NEK8: variants seen among roughly 807,000 people sequenced by gnomAD.
The protein encoded by NEK8 is serine/threonine-protein kinase Nek8.
In NEK8, 51 loss-of-function variants were observed where a neutral mutation model predicts 77.2. The observed-to-expected ratio is 0.66, with a 90% confidence interval of 0.53 to 0.83. The LOEUF is 0.83. Ranked by LOEUF, NEK8 falls within the 40% of genes least tolerant of loss-of-function variation. The probability of loss-of-function intolerance (pLI) is 0.00; values close to 1 mark genes in which losing one functional copy is unlikely to be tolerated. For missense variants in NEK8, 787 were observed against 909.2 expected (o/e 0.87, Z 1.73); for synonymous variants, 365 against 363.2 (o/e 1.00, Z -0.06).
rs1173353714 is a variant in NEK8, at chr17:28,740,683, G to A, written c.1568+70G>A. On this transcript the variant is annotated intron_variant, in intron 11 of 14. Coordinates refer to ENST00000268766, the MANE Select transcript of NEK8 (RefSeq NM_178170.3). This position sits in a 1 kb window ranked among gnomAD's most constrained non-coding sequence, Gnocchi z 4.7. The stretch of plus-strand genomic sequence containing the variant: ...GGCTGCAAGTGCTCCGTCCATCATT[G>A]CCTACCTTTCACCAAAGACCAGAAT... The A allele has an allele frequency of 8.1e-6, 13 of 1,596,086 alleles. No individual in the cohort carries two copies. Among genetic ancestry groups the A allele is most frequent in the African/African-American group, 1.3e-5 (1 of 74,600 alleles).
Position 28,741,365 on chromosome 17 carries a change from C to G in NEK8, c.1892-48C>G, listed in dbSNP as rs555226814. 54 of 1,605,302 alleles carry G rather than the reference C, an allele frequency of 3.4e-5. 1 individual carries two copies. In the South Asian group the frequency reaches 5.3e-4, roughly 16 times the overall value. On this transcript the variant is annotated intron_variant, in intron 13 of 14. Transcript: ENST00000268766. This position sits in a 1 kb window ranked among gnomAD's most constrained non-coding sequence, Gnocchi z 4.5. ...GCAATGTGGGAGGGGAGATCCTGCT[C>G]GGGCTGTGCCCACTTCCCACTTCCC...
chr17:28,734,274 G>A, intron 2 of NEK8, 86 bp downstream of exon 2: 3 of 1,225,896 alleles, frequency 2.4e-6, no homozygotes, highest in East Asian at 2.3e-5. Context: ...TTCCCTCCTT[G>A]GAATGGGCAT....
chr17:28,731,672 C>T (rs2034308116), intron 1 of NEK8, among the ~76,000 whole-genome samples: 1 of 151,038 alleles, frequency 6.6e-6, no homozygotes, highest in Admixed American at 6.6e-5. Context: ...GGCACCATCT[C>T]GGCTCATTGC....
In NEK8 at chr17:28,739,167, G is replaced by A; in HGVS notation, c.1383G>A (p.Glu461=). The A allele has an allele frequency of 6.2e-7, 1 of 1,614,172 alleles. No individual in the cohort carries two copies. Among genetic ancestry groups the A allele is most frequent in the South Asian group, 1.1e-5 (1 of 91,086 alleles). The change falls in exon 10 of 15, where the codon GAG becomes GAA. Residue 461 remains glutamate, a synonymous_variant. Transcript: ENST00000268766. ...GASHVLALST[E]RELFAWGRGD... ...CTCACGTGCTGGCCCTGTCCACTGA[G>A]CGAGAACTATTTGCCTGGGGCCGTG...
Position 28,737,657 on chromosome 17 carries a change from C to T in NEK8, c.828-18C>T. 2 of 1,614,154 alleles carry T rather than the reference C, an allele frequency of 1.2e-6. No homozygotes were observed. Among genetic ancestry groups the T allele is most frequent in the Non-Finnish European group, 1.7e-6 (2 of 1,180,014 alleles). ...TGTCAGGAGGGTCTTTGTCCTTAGGCCCCCATCTGTCCTGCAGGGCAGAGA... is the reference window on the plus strand; with the variant it reads ...TGTCAGGAGGGTCTTTGTCCTTAGGTCCCCATCTGTCCTGCAGGGCAGAGA... On this transcript the variant is annotated intron_variant, in intron 5 of 14. Transcript: ENST00000268766. The surrounding 1 kb of genome is among the most constrained non-coding windows in gnomAD (Gnocchi z 4.8).
At chr17:28,738,022 C>T in intron 7 of NEK8, 22 bp downstream of exon 7, 1 of 1,612,814 alleles carries the variant, frequency 6.2e-7, no homozygotes, top group South Asian at 1.1e-5. Context: ...AGGGGGTGGC[C>T]TGGATGGGTG....
intron 1 of NEK8, among the ~76,000 whole-genome samples, chr17:28,731,748 C>G (rs1428608916): frequency 1.3e-5 from 2 of 149,430 alleles, no homozygotes; most frequent in South Asian, 2.1e-4. Context: ...GAACTACAGG[C>G]GCCCGCCACC....
chr17:28,734,125 A>G lies in NEK8; in HGVS notation c.190A>G (p.Ile64Val). The change falls in exon 2 of 15, where the codon ATT becomes GTT. Residue 64 changes from isoleucine to valine, a missense_variant. This residue lies in a region of NEK8 where 271 missense variants were observed against 365.1 expected (regional missense o/e 0.74). Transcript: ENST00000268766. ...VLKLLNHPNV[I>V]EYYENFLEDK... is the part of the protein sequence containing the mutation. Reference sequence around the variant, plus strand: ...CAAGCTGCTCAACCACCCCAATGTCATTGAGTACTACGAGAACTTCCTGGA... The same window carrying G: ...CAAGCTGCTCAACCACCCCAATGTCGTTGAGTACTACGAGAACTTCCTGGA... 6.2e-7 allele frequency: 1 copy of G among 1,614,048 alleles called. No homozygotes were observed. Among genetic ancestry groups the G allele is most frequent in the Non-Finnish European group, 8.5e-7 (1 of 1,180,000 alleles).
intron 1 of NEK8, 62 bp downstream of exon 1, chr17:28,728,922 C>A: frequency 7.0e-7 from 1 of 1,429,382 alleles, no homozygotes; most frequent in Non-Finnish European, 9.6e-7. Flanking sequence ...CCCAATTCCG[C>A]CCGCGAAGTC....
intron 1 of NEK8, among the ~76,000 whole-genome samples, chr17:28,730,142 T>C (rs1450201392): frequency 6.6e-6 from 1 of 152,168 alleles, no homozygotes; most frequent in African/African-American, 2.4e-5. Flanking sequence ...AGACGGAGTC[T>C]TGCACTGTCG....
At position 28,736,601 on chromosome 17, in the gene NEK8, G is replaced by A. The variant is rs1416204474; in HGVS notation, c.619-705G>A. 3.9e-5 allele frequency among the ~76,000 whole-genome samples: 6 copies of A among 152,232 alleles called. No individual in the cohort carries two copies. In the South Asian group the frequency reaches 6.2e-4, roughly 16 times the overall value. ...TGAGAAGTGTCTGTTCATATCCTTC[G>A]CCCACTTGTTGATGGGGTTGTTTTT... On this transcript the variant is annotated intron_variant, in intron 4 of 14. Coordinates refer to ENST00000268766, the MANE Select transcript of NEK8 (RefSeq NM_178170.3).
chr17:28,729,107 C>T (rs2034280481), intron 1 of NEK8, among the ~76,000 whole-genome samples: 1 of 152,244 alleles, frequency 6.6e-6, no homozygotes, highest in Non-Finnish European at 1.5e-5. Flanking sequence ...TCAACAAATA[C>T]TGAGTGCCAG....
intron 3 of NEK8, 72 bp downstream of exon 3, chr17:28,735,076 C>T: frequency 6.7e-7 from 1 of 1,503,312 alleles, no homozygotes; most frequent in Non-Finnish European, 9.2e-7. Flanking sequence ...TGCCTCCTCC[C>T]CTCCCCCTAA....
chr17:28,728,985 C>T, intron 1 of NEK8, 125 bp downstream of exon 1: 1 of 881,480 alleles, frequency 1.1e-6, no homozygotes, highest in East Asian at 2.6e-5. Context: ...GGAAGCCCCG[C>T]CCAAGCTTCC....
chr17:28,742,562 A>C lies in NEK8; in HGVS notation c.*575A>C, dbSNP rs922057276. ...AACCAGACTCCGTCTCAAAAAAAAA[A>C]AAAAAACAAAAAAGGCTGAAGGCAG... On this transcript the variant is annotated 3_prime_UTR_variant, in exon 15 of 15. Transcript: ENST00000268766. 5.5e-4 allele frequency: 91 copies of C among 166,884 alleles called. 1 individual carries two copies. The highest frequency in any genetic ancestry group is 1.4e-3 in the Admixed American group (25 of 17,902). The allele number at this position is 166,884 out of a possible 1,614,324, so 10.3% of individuals were successfully genotyped here. A position where few individuals can be genotyped will look rare whatever the true frequency, so the allele number is the denominator to read the frequency against.
chr17:28,730,102 GGTTTT>G (rs1392225029), intron 1 of NEK8, among the ~76,000 whole-genome samples: 4 of 152,052 alleles, frequency 2.6e-5, no homozygotes, highest in African/African-American at 7.2e-5. Flanking sequence ...TGCCACAAAC[GGTTTT>G]GTTTTGTTTT....
chr17:28,734,303 T>C lies in NEK8; in HGVS notation c.253+115T>C, dbSNP rs1460748033. Reference sequence around the variant, plus strand: ...TGGGCATGGCCAAGGGTTAGAGTTCTGGTCCCAATTATCTGACCCCGGCTA... The same window carrying C: ...TGGGCATGGCCAAGGGTTAGAGTTCCGGTCCCAATTATCTGACCCCGGCTA... On this transcript the variant is annotated intron_variant, in intron 2 of 14. Transcript: ENST00000268766. 36 of 934,940 alleles carry C rather than the reference T, an allele frequency of 3.9e-5. 1 individual carries two copies. In the South Asian group the frequency reaches 4.4e-4, roughly 11 times the overall value. 57.9% of individuals were successfully genotyped at this position (934,940 alleles called of 1,614,324 possible).
Position 28,740,391 on chromosome 17 carries a change from A to G in NEK8, c.1418-72A>G. ...AGAACTCATGCTGTTCCCTCCCCTC[A>G]GTGGGCCCTCCTCATTCGGGCATCA... is the stretch of plus-strand genomic sequence containing the variant. On this transcript the variant is annotated intron_variant, in intron 10 of 14. Coordinates refer to ENST00000268766, the MANE Select transcript of NEK8 (RefSeq NM_178170.3). This position sits in a 1 kb window ranked among gnomAD's most constrained non-coding sequence, Gnocchi z 4.7. The G allele has an allele frequency of 7.5e-7, 1 of 1,341,984 alleles. No individual in the cohort carries two copies. Among genetic ancestry groups the G allele is most frequent in the East Asian group, 2.3e-5 (1 of 43,636 alleles). The allele number at this position is 1,341,984 out of a possible 1,614,324, so 83.1% of individuals were successfully genotyped here. A position where few individuals can be genotyped will look rare whatever the true frequency, so the allele number is the denominator to read the frequency against.
Position 28,740,527 on chromosome 17 carries a change from A to G in NEK8, c.1482A>G (p.Gly494=), listed in dbSNP as rs1230571665. 2 of 1,614,156 alleles carry G rather than the reference A, an allele frequency of 1.2e-6. No individual in the cohort carries two copies. The highest frequency in any genetic ancestry group is 2.2e-5 in the South Asian group (2 of 91,086). The part of the protein sequence containing the change: ...SCPQQVPMPP[G]QEAQRVVCGI... The stretch of plus-strand genomic sequence containing the variant: ...CCCAGCAGGTGCCCATGCCCCCAGG[A>G]CAGGAAGCTCAGCGAGTTGTATGTG... The change falls in exon 11 of 15, where the codon GGA becomes GGG. Residue 494 remains glycine, a synonymous_variant. Transcript: ENST00000268766. This position sits in a 1 kb window ranked among gnomAD's most constrained non-coding sequence, Gnocchi z 4.7.
Sources: gnomAD v4.1 joint callset for allele counts (sites outside exome capture counted in the v4.1 genomes callset) on GRCh38, gnomAD v4.1.1 for gene constraint, gnomAD v4.1.1 regional missense constraint, Gnocchi (gnomAD v3.1) non-coding constraint, MANE v1.5 for transcripts, NCBI Gene and HGNC (gene_info 2026-07-23, HGNC 2026-07-21) for gene names.